Variants in GRIN3A observed in about 807,000 individuals in gnomAD.
GRIN3A encodes glutamate ionotropic receptor NMDA type subunit 3A.
GRIN3A carries 47 observed loss-of-function variants against 92.4 expected under a neutral mutation model. The observed-to-expected ratio is 0.51, with a 90% confidence interval of 0.40 to 0.65. GRIN3A has a LOEUF of 0.65. Among genes scored for constraint, GRIN3A ranks in the 30% least tolerant of loss-of-function variants. GRIN3A has a pLI of 0.00. For synonymous variants in GRIN3A, 527 were observed against 540.6 expected (o/e 0.97, Z 0.35); for missense variants, 1,324 against 1,393.1 (o/e 0.95, Z 0.79).
intron 2 of GRIN3A, among the ~76,000 whole-genome samples, chr9:101,672,780 C>T (rs553696241): frequency 1.3e-5 from 2 of 152,104 alleles, no homozygotes; most frequent in Non-Finnish European, 2.9e-5. Flanking sequence ...GGTAATTATT[C>T]ATGTTAGTAC....
At chr9:101,668,371 T>C (rs912324183) in intron 3 of GRIN3A, among the ~76,000 whole-genome samples, 7 of 152,188 alleles carry the variant, frequency 4.6e-5, no homozygotes, top group African/African-American at 1.7e-4. Flanking sequence ...ATTAGATTTT[T>C]TTTTTTACTA....
At chr9:101,684,434 C>G (rs1251011594) in intron 2 of GRIN3A, among the ~76,000 whole-genome samples, 1 of 151,912 alleles carries the variant, frequency 6.6e-6, no homozygotes, top group Admixed American at 6.6e-5. Flanking sequence ...CAATAAATAC[C>G]TATTAAGTGC....
In GRIN3A at chr9:101,737,798, G is replaced by A; in HGVS notation, c.182C>T (p.Ala61Val). The change falls in exon 1 of 9, where the codon GCC becomes GTC. Residue 61 changes from alanine to valine, a missense_variant. Coordinates refer to ENST00000361820, the MANE Select transcript of GRIN3A (RefSeq NM_133445.3). ...CGGAGCGCGGCTGGCCGCGCGGGGG[G>A]CGGTGGTCCAGGGCTGCAAGTGCAC... ...GAVHLQPWTT[A>V]PRAASRAPDD... The A allele has an allele frequency of 6.5e-7, 1 of 1,530,492 alleles. No homozygotes were observed. Among genetic ancestry groups the A allele is most frequent in the Non-Finnish European group, 8.7e-7 (1 of 1,144,704 alleles). 94.8% of individuals were successfully genotyped at this position (1,530,492 alleles called of 1,614,324 possible).
chr9:101,625,989 G>C (rs965067991), intron 4 of GRIN3A, among the ~76,000 whole-genome samples: 20 of 152,326 alleles, frequency 1.3e-4, no homozygotes, highest in Admixed American at 1.3e-3. Context: ...GGACTGCAAA[G>C]TGCAGATAGC....
intron 1 of GRIN3A, among the ~76,000 whole-genome samples, chr9:101,721,243 T>A (rs991231447): frequency 2.0e-5 from 3 of 152,222 alleles, no homozygotes; most frequent in Non-Finnish European, 2.9e-5. Context: ...GATGAGTTTA[T>A]CAGGGGTTTC....
At position 101,685,589 on chromosome 9, in the gene GRIN3A, A is replaced by G. The variant is rs1286185718; in HGVS notation, c.1304+1007T>C. On this transcript the variant is annotated intron_variant, in intron 2 of 8. Transcript: ENST00000361820. ...TTAAGGATATTCCCCCTTTCCCGGG[A>G]ATCACCAAAACCATTTCCATATGAT... 2.0e-5 allele frequency among the ~76,000 whole-genome samples: 3 copies of G among 151,934 alleles called. No individual in the cohort carries two copies. The East Asian group carries it at 5.8e-4, about 29-fold the overall frequency.
chr9:101,692,991 T>G (rs908942523), intron 1 of GRIN3A, among the ~76,000 whole-genome samples: 38 of 152,076 alleles, frequency 2.5e-4, no homozygotes, highest in African/African-American at 8.9e-4. Context: ...TGCATATTAT[T>G]TTATTTCATC....
chr9:101,579,114 T>G, intron 7 of GRIN3A, 82 bp downstream of exon 7: 2 of 1,420,716 alleles, frequency 1.4e-6, no homozygotes, highest in Non-Finnish European at 2.0e-6. Context: ...AACTTAGTAG[T>G]CTGACATAGG....
In GRIN3A at chr9:101,612,244, G is replaced by A. The variant is rs376297551; in HGVS notation, c.2766+1132C>T. Among the ~76,000 whole-genome samples, 19 of 152,298 alleles carry A rather than the reference G, an allele frequency of 1.2e-4. No homozygotes were observed. The East Asian group carries it at 2.5e-3, about 20-fold the overall frequency. ...GAGATGACAATAAATGGGCATATTC[G>A]AGGCATATTTTATAGAAGGAAAAGA... On this transcript the variant is annotated intron_variant, in intron 6 of 8. Transcript: ENST00000361820.
At chr9:101,691,488 G>GA (rs1235418382) in intron 1 of GRIN3A, among the ~76,000 whole-genome samples, 2 of 151,798 alleles carry the variant, frequency 1.3e-5, no homozygotes, top group Non-Finnish European at 2.9e-5. Context: ...TGGGACTTAA[G>GA]AAAAAAACGA....
At chr9:101,647,460 T>A (rs1588265516) in intron 3 of GRIN3A, among the ~76,000 whole-genome samples, 1 of 151,702 alleles carries the variant, frequency 6.6e-6, no homozygotes, top group African/African-American at 2.4e-5. Flanking sequence ...AATTTTCGCC[T>A]TTTTTTTGTG....
At chr9:101,661,445 A>G (rs1829170452) in intron 3 of GRIN3A, among the ~76,000 whole-genome samples, 1 of 151,776 alleles carries the variant, frequency 6.6e-6, no homozygotes, top group South Asian at 2.1e-4. Flanking sequence ...CCTTTATAGC[A>G]TGTACATATG....
At chr9:101,679,709 G>C (rs1185846811) in intron 2 of GRIN3A, among the ~76,000 whole-genome samples, 1 of 152,170 alleles carries the variant, frequency 6.6e-6, no homozygotes, top group East Asian at 1.9e-4. Flanking sequence ...TAACCTAGGA[G>C]TAAGAGTTAG....
At chr9:101,624,002 T>C (rs376750763) in intron 4 of GRIN3A, among the ~76,000 whole-genome samples, 4 of 152,324 alleles carry the variant, frequency 2.6e-5, no homozygotes, top group African/African-American at 9.6e-5. Flanking sequence ...AATAACTGTC[T>C]AAAATACATG....
chr9:101,720,043 C>A (rs141603366), intron 1 of GRIN3A, among the ~76,000 whole-genome samples: 1 of 152,038 alleles, frequency 6.6e-6, no homozygotes, highest in Admixed American at 6.6e-5. Flanking sequence ...TTTAAGTCCC[C>A]GTTTGGGAAT....
intron 1 of GRIN3A, among the ~76,000 whole-genome samples, chr9:101,693,390 G>C (rs1015586394): frequency 1.3e-5 from 2 of 151,678 alleles, no homozygotes; most frequent in African/African-American, 4.8e-5. Flanking sequence ...CTGCACTTCA[G>C]CCTGGGTGCA....
In GRIN3A at chr9:101,573,131, C is replaced by G. The variant is rs757249793; in HGVS notation, c.*43G>C. 9.3e-6 allele frequency: 14 copies of G among 1,512,476 alleles called. No individual in the cohort carries two copies. Among genetic ancestry groups the G allele is most frequent in the Middle Eastern group, 1.8e-4 (1 of 5,666 alleles). 93.7% of individuals were successfully genotyped at this position (1,512,476 alleles called of 1,614,324 possible). A position where few individuals can be genotyped will look rare whatever the true frequency, so the allele number is the denominator to read the frequency against. ...AGCATTACAAAGTGTCTCAAGGGCT[C>G]AGAGGAAGGTCAGGAACTGAGAAAG... On this transcript the variant is annotated 3_prime_UTR_variant, in exon 9 of 9. Coordinates refer to ENST00000361820, the MANE Select transcript of GRIN3A (RefSeq NM_133445.3).
At chr9:101,695,187 C>T (rs997897207) in intron 1 of GRIN3A, among the ~76,000 whole-genome samples, 1 of 152,138 alleles carries the variant, frequency 6.6e-6, no homozygotes, top group Admixed American at 6.6e-5. Flanking sequence ...AGGAAGTTTA[C>T]ACTAAGAGAC....
chr9:101,676,271 C>T (rs1829393563), intron 2 of GRIN3A, among the ~76,000 whole-genome samples: 1 of 151,648 alleles, frequency 6.6e-6, no homozygotes, highest in South Asian at 2.1e-4. Flanking sequence ...GTATATCTAC[C>T]TCTCTTTTTT....
Sources: gnomAD v4.1 joint callset for allele counts (sites outside exome capture counted in the v4.1 genomes callset) on GRCh38, gnomAD v4.1.1 for gene constraint, MANE v1.5 for transcripts, NCBI Gene and HGNC (gene_info 2026-07-23, HGNC 2026-07-21) for gene names.